RGS10: variants seen among roughly 807,000 people sequenced by gnomAD.
RGS10 encodes the protein regulator of G protein signaling 10.
In RGS10, 11 loss-of-function variants were observed where a neutral mutation model predicts 23.5. The ratio of observed to expected loss-of-function variants is 0.47; its 90% confidence interval spans 0.29 to 0.77. The LOEUF (loss-of-function observed/expected upper bound fraction) is 0.77. Among genes scored for constraint, RGS10 ranks in the 30% least tolerant of loss-of-function variants. RGS10 has a pLI of 0.08. For synonymous variants in RGS10, 77 were observed against 83.2 expected, an observed-to-expected ratio of 0.92 and a Z score of 0.41; for missense variants, 180 against 226.3, an observed-to-expected ratio of 0.80 and a Z score of 1.31.
intron 4 of RGS10, among the ~76,000 whole-genome samples, chr10:119,502,469 G>A (rs1158719659): frequency 1.3e-5 from 2 of 152,178 alleles, no homozygotes; most frequent in Admixed American, 6.5e-5. Flanking sequence ...GATGCGGTGC[G>A]ACCCAAGCGT....
intron 4 of RGS10, among the ~76,000 whole-genome samples, chr10:119,502,165 A>G (rs929984809): frequency 6.6e-6 from 1 of 152,002 alleles, no homozygotes; most frequent in Non-Finnish European, 1.5e-5. Context: ...TTAATCCCAG[A>G]AAATACAAAA....
At chr10:119,506,523 C>T (rs889083720) in intron 4 of RGS10, among the ~76,000 whole-genome samples, 4 of 152,208 alleles carry the variant, frequency 2.6e-5, no homozygotes, top group Admixed American at 6.5e-5. Context: ...GGCGGTCACA[C>T]GTGTGGAGCG....
At chr10:119,505,205 G>A (rs1843995843) in intron 4 of RGS10, among the ~76,000 whole-genome samples, 1 of 152,044 alleles carries the variant, frequency 6.6e-6, no homozygotes, top group Non-Finnish European at 1.5e-5. Flanking sequence ...TCTGGGCTAA[G>A]CAGGAGGCCG....
chr10:119,515,998 T>C (rs2133950653), intron 3 of RGS10, among the ~76,000 whole-genome samples: 1 of 152,326 alleles, frequency 6.6e-6, no homozygotes, highest in East Asian at 1.9e-4. Flanking sequence ...ATGCCTGTAA[T>C]CCCAGCACTT....
At chr10:119,542,493 C>A in intron 1 of RGS10, 97 bp downstream of exon 1, 1 of 1,125,660 alleles carries the variant, frequency 8.9e-7, no homozygotes. Context: ...CTGGGAGGTA[C>A]CACCGAGCCG....
At chr10:119,521,522 A>G (rs1048859259) in intron 3 of RGS10, among the ~76,000 whole-genome samples, 9 of 151,164 alleles carry the variant, frequency 6.0e-5, no homozygotes, top group Non-Finnish European at 1.3e-4. Context: ...GTGAGCCGAG[A>G]TCATGCCATT....
chr10:119,525,840 C>G (rs1391118402), intron 3 of RGS10, among the ~76,000 whole-genome samples, 192 bp downstream of exon 3: 4 of 152,142 alleles, frequency 2.6e-5, no homozygotes, highest in Non-Finnish European at 4.4e-5. Context: ...ATTTGAACAG[C>G]TCCATTTAAA....
Position 119,521,405 on chromosome 10 carries a change from T to C in RGS10, c.255+4627A>G, listed in dbSNP as rs1844210754. On this transcript the variant is annotated intron_variant, in intron 3 of 4. Transcript: ENST00000369103. ...GACCAACATGGCGAAACCCCATCTC[T>C]ACTAAAAATACAAAATTAGCTGGGT... 2.0e-5 allele frequency among the ~76,000 whole-genome samples: 3 copies of C among 151,802 alleles called. 1 individual carries two copies. Among genetic ancestry groups the C allele is most frequent in the African/African-American group, 7.3e-5 (3 of 41,306 alleles).
intron 3 of RGS10, among the ~76,000 whole-genome samples, chr10:119,523,112 C>T (rs986450454): frequency 3.9e-5 from 6 of 152,058 alleles, no homozygotes; most frequent in African/African-American, 1.4e-4. Context: ...CTTGACCTCC[C>T]AAAGTGTTAT....
At chr10:119,522,126 C>T (rs1235607984) in intron 3 of RGS10, among the ~76,000 whole-genome samples, 1 of 152,126 alleles carries the variant, frequency 6.6e-6, no homozygotes. Context: ...GGGTCTAGAC[C>T]CTCGGAGACA....
intron 4 of RGS10, among the ~76,000 whole-genome samples, chr10:119,506,468 T>A (rs748593266): frequency 3.9e-5 from 6 of 152,202 alleles, no homozygotes; most frequent in Non-Finnish European, 8.8e-5. Context: ...CAGAGAGACC[T>A]CGCTTGGACG....
intron 1 of RGS10, among the ~76,000 whole-genome samples, chr10:119,533,035 G>C (rs1844347042): frequency 3.0e-5 from 2 of 66,690 alleles, no homozygotes; most frequent in African/African-American, 6.3e-5. Context: ...GCCAGACGCT[G>C]TCTCAAAAAA....
rs528799174 is a variant in RGS10 at position 119,526,222 on chromosome 10, G to A, written c.169-104C>T. 1.1e-4 allele frequency: 65 copies of A among 575,026 alleles called. No individual in the cohort carries two copies. The South Asian group carries it at 1.9e-3, about 17-fold the overall frequency. 35.6% of individuals were successfully genotyped at this position (575,026 alleles called of 1,614,324 possible). On this transcript the variant is annotated intron_variant, in intron 2 of 4. Transcript: ENST00000369103. Reference sequence around the variant, plus strand: ...ACTGATTTGGCAAAATTCAACAGAGGAGCATGGTTCAGTTACTCTTCGAAA... The same window carrying A: ...ACTGATTTGGCAAAATTCAACAGAGAAGCATGGTTCAGTTACTCTTCGAAA...
chr10:119,523,860 G>A (rs4752323), intron 3 of RGS10, among the ~76,000 whole-genome samples: 5,502 of 152,148 alleles, frequency 0.036, 149 homozygotes, highest in East Asian at 0.094. Context: ...AGTCCTACAG[G>A]GGCTTTCCCA....
rs552518517 is a variant in RGS10, at chr10:119,533,844, CT to C, written c.50-6421del. ...AGTTTTTGGTGTTTCATTTTGTTTT[CT>C]TAGCTCCTGGGCTCTTTACGTCATT... On this transcript the variant is annotated intron_variant, in intron 1 of 4. Transcript: ENST00000369103. Among the ~76,000 whole-genome samples, 1,017 of 152,250 alleles carry C rather than the reference CT, an allele frequency of 6.7e-3. 8 individuals are homozygous for C. The highest frequency in any genetic ancestry group is 0.011 in the Non-Finnish European group (728 of 68,008).
intron 1 of RGS10, among the ~76,000 whole-genome samples, chr10:119,532,907 G>T (rs1447199390): frequency 2.0e-5 from 3 of 151,938 alleles, no homozygotes; most frequent in African/African-American, 7.3e-5. Context: ...GGTCATGGTG[G>T]TATGGGCCTG....
chr10:119,522,149 A>T (rs1844225774), intron 3 of RGS10, among the ~76,000 whole-genome samples: 1 of 152,218 alleles, frequency 6.6e-6, no homozygotes, highest in African/African-American at 2.4e-5. Context: ...GGGGAAGAAG[A>T]GGCCCCCCAC....
intron 1 of RGS10, chr10:119,536,683 A>T: frequency 1.7e-6 from 1 of 578,344 alleles, no homozygotes; most frequent in Non-Finnish European, 3.0e-6. Context: ...AGAACGCCAA[A>T]CTGTTATTTG....
At chr10:119,529,079 G>A (rs1457937178) in intron 1 of RGS10, among the ~76,000 whole-genome samples, 1 of 152,120 alleles carries the variant, frequency 6.6e-6, no homozygotes, top group Non-Finnish European at 1.5e-5. Context: ...ATTAAAGCAT[G>A]CTTCATTCTA....
Sources: allele counts gnomAD v4.1 joint callset (sites outside exome capture counted in the v4.1 genomes callset), GRCh38; gene constraint gnomAD v4.1.1; transcripts MANE v1.5; gene names NCBI Gene and HGNC (gene_info 2026-07-23, HGNC 2026-07-21).